FYB2: variants seen among roughly 807,000 people sequenced by gnomAD.
The protein encoded by FYB2 is FYN-binding protein 2.
In FYB2, 103 loss-of-function variants were observed where a neutral mutation model predicts 94.1. The observed-to-expected ratio is 1.09, with a 90% CI of 0.93 to 1.29. The LOEUF (loss-of-function observed/expected upper bound fraction) is 1.29. FYB2 is among the 50% of genes most tolerant of loss of function. The probability of loss-of-function intolerance (pLI) is 0.00; values close to 1 mark genes in which losing one functional copy is unlikely to be tolerated. For synonymous variants in FYB2, 293 were observed against 287.9 expected (o/e 1.02, Z -0.18); for missense variants, 896 against 841.5 (o/e 1.06, Z -0.80).
chr1:56,789,490 T>A (rs1646212743), intron 2 of FYB2, among the ~76,000 whole-genome samples: 1 of 152,212 alleles, frequency 6.6e-6, no homozygotes, highest in South Asian at 2.1e-4. Flanking sequence ...TAGATAGCCT[T>A]AAAAAGCTCT....
chr1:56,821,901 G>A (rs1481721574), upstream of FYB2, among the ~76,000 whole-genome samples: 1 of 152,134 alleles, frequency 6.6e-6, no homozygotes, highest in Non-Finnish European at 1.5e-5. Context: ...GTTTTGGATG[G>A]GAAATTTGAA....
rs138045256 is a variant in FYB2, at chr1:56,783,115, T to C, written c.953+4060A>G. Among the ~76,000 whole-genome samples, 74 of 152,254 alleles carry C rather than the reference T, an allele frequency of 4.9e-4. 1 individual carries two copies. In the East Asian group the frequency reaches 0.012, roughly 25 times the overall value. On this transcript the variant is annotated intron_variant, in intron 4 of 19. Transcript: ENST00000343433. ...TAATGAGACATTAATATTTCAGAGG[T>C]AACAAGGGATGGAGAGGCCAAGGTT...
chr1:56,798,101 G>GAATGAGTGAATT (rs1302957958), intron 1 of FYB2, among the ~76,000 whole-genome samples: 1 of 152,216 alleles, frequency 6.6e-6, no homozygotes, highest in African/African-American at 2.4e-5. Context: ...CTTGGTGAAT[G>GAATGAGTGAATT]AATGAGTCAG....
At chr1:56,752,253 C>T (rs998615507) in intron 8 of FYB2, among the ~76,000 whole-genome samples, 2 of 151,912 alleles carry the variant, frequency 1.3e-5, no homozygotes, top group Admixed American at 6.6e-5. Context: ...GGAGTCAGGC[C>T]AGGGAAAACC....
chr1:56,810,645 T>C (rs1036879655), intron 1 of FYB2, among the ~76,000 whole-genome samples: 2 of 152,212 alleles, frequency 1.3e-5, no homozygotes, highest in African/African-American at 4.8e-5. Context: ...GTTGGTCATA[T>C]GGGCACTGGG....
intron 4 of FYB2, among the ~76,000 whole-genome samples, chr1:56,775,186 C>G (rs1306503094): frequency 6.6e-6 from 1 of 152,106 alleles, no homozygotes; most frequent in Non-Finnish European, 1.5e-5. Context: ...AGAACCCTGA[C>G]TAATCCACTT....
Position 56,792,174 on chromosome 1 carries a change from G to C in FYB2, c.639C>G (p.Pro213=). 5 of 1,614,054 alleles carry C rather than the reference G, an allele frequency of 3.1e-6. No homozygotes were observed. Among genetic ancestry groups the C allele is most frequent in the Non-Finnish European group, 4.2e-6 (5 of 1,179,968 alleles). ...PKILHNVSED[P]SFVISQHIRK... ...TGATATGTTGAGAAATTACAAAAGA[G>C]GGATCTTCAGAGACGTTATGTAATA... Residue 213 remains proline, a synonymous_variant, in exon 2 of 20, where the codon CCC becomes CCG. Transcript: ENST00000343433.
chr1:56,809,583 TGACTC>T (rs374261923), intron 1 of FYB2, among the ~76,000 whole-genome samples: 136 of 152,334 alleles, frequency 8.9e-4, no homozygotes, highest in African/African-American at 3.1e-3. Flanking sequence ...TTGTTTTACT[TGACTC>T]AACCCAGCTG....
intron 13 of FYB2, 92 bp from the exon 14 acceptor site, chr1:56,738,745 C>T: frequency 7.5e-7 from 1 of 1,334,408 alleles, no homozygotes; most frequent in Non-Finnish European, 1.1e-6. Flanking sequence ...ATTGATGATG[C>T]TGGATTGCCC....
At chr1:56,743,600 G>A (rs888700633) in intron 11 of FYB2, among the ~76,000 whole-genome samples, 1 of 152,016 alleles carries the variant, frequency 6.6e-6, no homozygotes, top group African/African-American at 2.4e-5. Flanking sequence ...CAGCATAACT[G>A]GGTCTCAAAG....
In FYB2 at chr1:56,752,309, C is replaced by T. The variant is rs114140732; in HGVS notation, c.1228-1106G>A. The stretch of plus-strand genomic sequence containing the variant: ...AAATGTTCTGGATAGACTGACAGGA[C>T]GAGACCCTGGAGAGAGAGAAAATTA... On this transcript the variant is annotated intron_variant, in intron 8 of 19. Coordinates refer to ENST00000343433, the MANE Select transcript of FYB2 (RefSeq NM_001004303.5). Among the ~76,000 whole-genome samples, 526 of 152,074 alleles carry T rather than the reference C, an allele frequency of 3.5e-3. 2 individuals carry two copies. The highest frequency in any genetic ancestry group is 5.7e-3 in the Non-Finnish European group (384 of 67,952).
chr1:56,733,828 TC>T (rs1644767742), intron 15 of FYB2, among the ~76,000 whole-genome samples: 2 of 152,142 alleles, frequency 1.3e-5, no homozygotes, highest in South Asian at 4.1e-4. Context: ...GTGCTTTACT[TC>T]CAATTATGTG....
At chr1:56,813,511 G>A (rs1167016371) in intron 1 of FYB2, among the ~76,000 whole-genome samples, 2 of 152,160 alleles carry the variant, frequency 1.3e-5, no homozygotes, top group Admixed American at 6.5e-5. Flanking sequence ...TGAAACATGA[G>A]GATTATGGGA....
chr1:56,820,390 A>G (rs1646977409), upstream of FYB2, among the ~76,000 whole-genome samples: 1 of 152,210 alleles, frequency 6.6e-6, no homozygotes, highest in South Asian at 2.1e-4. Context: ...TGTTTTTCTG[A>G]CAGAGCTGGA....
rs773452377 is a variant in FYB2 at position 56,792,195 on chromosome 1, T to G, written c.618A>C (p.Leu206Phe). 6.2e-7 allele frequency: 1 copy of G among 1,614,042 alleles called. No homozygotes were observed. The highest frequency in any genetic ancestry group is 2.2e-5 in the East Asian group (1 of 44,876). ...SQKHVVAPKI[L>F]HNVSEDPSFV... ...AAGAGGGATCTTCAGAGACGTTATG[T>G]AATATTTTGGGGGCCACCACGTGCT... The change falls in exon 2 of 20, where the codon TTA becomes TTC. Residue 206 changes from leucine (L) to phenylalanine (F), a missense_variant. Physicochemically the swap from Leu to Phe is conservative, Grantham distance 22. Coordinates refer to ENST00000343433, the MANE Select transcript of FYB2 (RefSeq NM_001004303.5).
chr1:56,759,608 A>G (rs987025007), intron 5 of FYB2, among the ~76,000 whole-genome samples: 1 of 152,206 alleles, frequency 6.6e-6, no homozygotes, highest in Admixed American at 6.5e-5. Flanking sequence ...TGTGTAGCAC[A>G]TGACTATATT....
intron 15 of FYB2, among the ~76,000 whole-genome samples, chr1:56,728,748 C>G (rs1255324282): frequency 3.3e-5 from 5 of 152,082 alleles, no homozygotes; most frequent in Admixed American, 2.6e-4. Context: ...AACCCTATAT[C>G]CACTCTCTTT....
chr1:56,723,635 T>TAG lies in FYB2; in HGVS notation c.1926_1927insCT (p.Lys643LeufsTer5). On this transcript the variant is annotated frameshift_variant, in exon 17 of 20. Coordinates refer to ENST00000343433, the MANE Select transcript of FYB2 (RefSeq NM_001004303.5). LOFTEE classifies it high-confidence loss of function. ...TTTTCTTCTCTTTTCATTCTGTTCT[T>TAG]TTCTAAGTTTTGCTTCTTGGTTTTG... 1 of 1,571,980 alleles carries TAG rather than the reference T, an allele frequency of 6.4e-7. No homozygotes were observed. The highest frequency in any genetic ancestry group is 8.7e-7 in the Non-Finnish European group (1 of 1,145,932).
chr1:56,783,253 G>A (rs933611518), intron 4 of FYB2, among the ~76,000 whole-genome samples: 2 of 152,114 alleles, frequency 1.3e-5, no homozygotes, highest in Non-Finnish European at 2.9e-5. Flanking sequence ...TTACAGATGT[G>A]TGTATCGAAG....
Sources: allele counts gnomAD v4.1 joint callset (sites outside exome capture counted in the v4.1 genomes callset), GRCh38; gene constraint gnomAD v4.1.1; transcripts MANE v1.5; gene names NCBI Gene and HGNC (gene_info 2026-07-23, HGNC 2026-07-21).